The following TPRG1 variants were observed in gnomAD, a reference collection of about 807,000 sequenced individuals.
TPRG1 encodes tumor protein p63-regulated gene 1 protein.
TPRG1 carries 29 observed loss-of-function variants against 29.3 expected under a neutral mutation model. The observed-to-expected ratio is 0.99, with a 90% CI of 0.74 to 1.35. The LOEUF is 1.35. Ranked by LOEUF, TPRG1 falls within the 40% of genes most tolerant of loss-of-function variation. The pLI is 0.00. For synonymous variants in TPRG1, 130 were observed against 116.8 expected (o/e 1.11, Z -0.73); for missense variants, 327 against 335.0 (o/e 0.98, Z 0.19).
chr3:189,266,488 C>T (rs1169006157), intron 4 of TPRG1, among the ~76,000 whole-genome samples: 7 of 152,046 alleles, frequency 4.6e-5, no homozygotes, highest in Non-Finnish European at 7.4e-5. Context: ...GAGCTGGAGC[C>T]AGTTTTCTGG....
At chr3:189,103,816 T>C (rs1276767692) in intron 1 of TPRG1, among the ~76,000 whole-genome samples, 2 of 152,174 alleles carry the variant, frequency 1.3e-5, no homozygotes, top group Non-Finnish European at 2.9e-5. Flanking sequence ...TTTCTCATCA[T>C]GTCAGCTTCA....
At chr3:189,236,971 T>C (rs1324967790) in intron 3 of TPRG1, among the ~76,000 whole-genome samples, 3 of 152,196 alleles carry the variant, frequency 2.0e-5, no homozygotes, top group Non-Finnish European at 4.4e-5. Flanking sequence ...TTATAAAGCC[T>C]TAACAGAGAA....
intron 3 of TPRG1, among the ~76,000 whole-genome samples, chr3:189,141,278 C>G (rs1475136296): frequency 6.6e-6 from 1 of 152,100 alleles, no homozygotes; most frequent in Non-Finnish European, 1.5e-5. Flanking sequence ...CTGTATCTCA[C>G]CGAAGAGATA....
intron 5 of TPRG1, among the ~76,000 whole-genome samples, chr3:189,160,242 G>A (rs1727291166): frequency 6.6e-6 from 1 of 152,170 alleles, no homozygotes; most frequent in African/African-American, 2.4e-5. Flanking sequence ...GTTGACTAGA[G>A]ATTTGATGGG....
At chr3:189,063,216 C>A (rs1314240804) in intron 4 of TPRG1, among the ~76,000 whole-genome samples, 1 of 152,000 alleles carries the variant, frequency 6.6e-6, no homozygotes, top group Admixed American at 6.6e-5. Context: ...GGTAGTAATT[C>A]TAAATGTACA....
chr3:189,305,269 C>T (rs1384541666), intron 4 of TPRG1, among the ~76,000 whole-genome samples: 2 of 152,132 alleles, frequency 1.3e-5, no homozygotes, highest in African/African-American at 4.8e-5. Context: ...GAAGAATGCA[C>T]GGAATGAGTA....
intron 1 of TPRG1, among the ~76,000 whole-genome samples, chr3:189,112,714 T>C (rs1310666212): frequency 6.6e-6 from 1 of 152,192 alleles, no homozygotes; most frequent in African/African-American, 2.4e-5. Context: ...CTGAGGGCTC[T>C]GTTCTGTTCC....
upstream of TPRG1, among the ~76,000 whole-genome samples, chr3:189,095,391 A>T (rs1718608626): frequency 6.6e-6 from 1 of 152,114 alleles, no homozygotes; most frequent in South Asian, 2.1e-4. Context: ...AGTTCAGAGT[A>T]TCTCATCTGA....
chr3:189,223,368 C>T (rs1737223004), intron 3 of TPRG1, among the ~76,000 whole-genome samples: 1 of 152,184 alleles, frequency 6.6e-6, no homozygotes. Flanking sequence ...ATGTTAATGA[C>T]CTGTGGCAGG....
At chr3:189,043,613 T>C (rs560165371) in intron 4 of TPRG1, among the ~76,000 whole-genome samples, 29 of 152,296 alleles carry the variant, frequency 1.9e-4, no homozygotes, top group African/African-American at 6.5e-4. Flanking sequence ...CATTACAATT[T>C]TTTGGGCGAC....
At chr3:189,105,548 G>A (rs968254115) in intron 1 of TPRG1, among the ~76,000 whole-genome samples, 18 of 145,860 alleles carry the variant, frequency 1.2e-4, no homozygotes, top group Admixed American at 1.1e-3. Flanking sequence ...ATGAGTTTGA[G>A]TAGGTATGTG....
intron 1 of TPRG1, among the ~76,000 whole-genome samples, chr3:189,184,403 C>A (rs369671042): frequency 1.5e-3 from 234 of 152,292 alleles, no homozygotes; most frequent in African/African-American, 5.4e-3. Flanking sequence ...CGAAACAACA[C>A]TGATAGCATA....
chr3:189,143,412 G>C (rs978666364), intron 3 of TPRG1, among the ~76,000 whole-genome samples: 7 of 152,178 alleles, frequency 4.6e-5, no homozygotes, highest in Non-Finnish European at 1.0e-4. Flanking sequence ...AAGTTAGGAG[G>C]AGAAGATGGT....
chr3:189,024,890 T>C (rs906078177), intron 4 of TPRG1, among the ~76,000 whole-genome samples: 1 of 152,204 alleles, frequency 6.6e-6, no homozygotes, highest in African/African-American at 2.4e-5. Flanking sequence ...GGCTGAGTTG[T>C]CCAAATGACA....
chr3:189,306,400 C>T (rs778509954), intron 4 of TPRG1, among the ~76,000 whole-genome samples: 72 of 152,230 alleles, frequency 4.7e-4, no homozygotes, highest in Non-Finnish European at 8.8e-4. Context: ...GAAGCTGACA[C>T]ATAAGAAGCA....
intron 4 of TPRG1, among the ~76,000 whole-genome samples, chr3:189,089,216 T>C (rs1287626455): frequency 1.3e-5 from 2 of 152,186 alleles, no homozygotes; most frequent in Non-Finnish European, 2.9e-5. Context: ...TTCTTAAAAA[T>C]TTAATAGAAT....
chr3:189,201,504 C>T (rs1366216746), intron 1 of TPRG1, among the ~76,000 whole-genome samples: 1 of 152,082 alleles, frequency 6.6e-6, no homozygotes, highest in African/African-American at 2.4e-5. Context: ...AAAAAGGGGG[C>T]AGGTAGTGCT....
At chr3:189,146,243 A>T (rs1380626329) in intron 3 of TPRG1, among the ~76,000 whole-genome samples, 4 of 152,182 alleles carry the variant, frequency 2.6e-5, no homozygotes, top group Non-Finnish European at 5.9e-5. Flanking sequence ...GATCAGTTTC[A>T]TGTTGGGCAG....
rs763002305 is a variant in TPRG1, at chr3:189,250,980, TCTGA to T, written c.479+12074_479+12077del. ...GATCGCGGGCCTTAAAATCTGTTCT[TCTGA>T]CTCTCTGTCCAGTGTTTTTTTCTTT... is the stretch of plus-strand genomic sequence containing the variant. On this transcript the variant is annotated intron_variant, in intron 4 of 5. Coordinates refer to ENST00000345063, the MANE Select transcript of TPRG1 (RefSeq NM_198485.4). 5.2e-4 allele frequency among the ~76,000 whole-genome samples: 79 copies of T among 152,220 alleles called. 1 individual carries two copies. Among genetic ancestry groups the T allele is most frequent in the Non-Finnish European group, 5.7e-4 (39 of 68,000 alleles).
Sources: gnomAD v4.1 joint callset for allele counts (sites outside exome capture counted in the v4.1 genomes callset) on GRCh38, gnomAD v4.1.1 for gene constraint, MANE v1.5 for transcripts, NCBI Gene and HGNC (gene_info 2026-07-23, HGNC 2026-07-21) for gene names.